Variants in CDH23 observed in about 807,000 individuals in gnomAD.
CDH23 encodes the protein cadherin-23.
In CDH23, 189 loss-of-function variants were observed where a neutral mutation model predicts 317.1. The observed-to-expected ratio is 0.60, with a 90% CI of 0.53 to 0.67. The LOEUF (loss-of-function observed/expected upper bound fraction) is 0.67, where lower values mean the gene tolerates loss of function less well. CDH23 is among the 30% of genes least tolerant of loss of function. The pLI is 0.00. For missense variants in CDH23, 4,401 were observed against 4,592.4 expected (o/e 0.96, Z 1.20); for synonymous variants, 1,839 against 1,876.8 (o/e 0.98, Z 0.52).
chr10:71,579,634 G>T (rs1207307381), intron 9 of CDH23, among the ~76,000 whole-genome samples: 1 of 152,172 alleles, frequency 6.6e-6, no homozygotes, highest in African/African-American at 2.4e-5. Flanking sequence ...CAGCTCAGGT[G>T]CAGGCAGTCT....
In CDH23 at chr10:71,682,522, G is replaced by T; in HGVS notation, c.1936G>T (p.Ala646Ser). Residue 646 changes from alanine (A) to serine (S), a missense_variant, in exon 18 of 70, where the codon GCT (alanine) becomes TCT (serine). By Grantham distance (99) the Ala-to-Ser change is moderately conservative (BLOSUM62 1). This residue lies in a region of CDH23 where 3,068 missense variants were observed against 3,203.3 expected (regional missense o/e 0.96). Transcript: ENST00000224721. ...TTATCTGACGGTCATGGCCATGGATGCTGGCAACCCCCCTCTCAACAGCAC... is the reference window on the plus strand; with the variant it reads ...TTATCTGACGGTCATGGCCATGGATTCTGGCAACCCCCCTCTCAACAGCAC... Reference protein sequence around the residue: ...LIYLTVMAMDAGNPPLNSTVP... With the variant: ...LIYLTVMAMDSGNPPLNSTVP... The T allele has an allele frequency of 6.2e-7, 1 of 1,613,714 alleles. No individual in the cohort carries two copies. The highest frequency in any genetic ancestry group is 8.5e-7 in the Non-Finnish European group (1 of 1,179,772).
rs1865813401 is a variant in CDH23 at position 71,706,957 on chromosome 10, C to T, written c.3014C>T (p.Ser1005Phe). ...FFPAVYNVSV[S>F]EDVPREFRVV... is the part of the protein sequence containing the mutation. ...CCGGCCGTGTACAATGTGTCTGTGT[C>T]CGAGGACGTGCCACGCGAGTTCCGG... Residue 1005 changes from serine (S) to phenylalanine (F), a missense_variant, in exon 26 of 70, where the codon TCC becomes TTC. Ser to Phe is a radical substitution (Grantham distance 155, BLOSUM62 -2). Around this residue, in one of 3 missense-constraint regions of CDH23, gnomAD observed 3,068 missense variants for 3,203.3 expected, o/e 0.96. Transcript: ENST00000224721. The T allele has an allele frequency of 2.5e-6, 4 of 1,607,300 alleles. No individual in the cohort carries two copies. Among genetic ancestry groups the T allele is most frequent in the African/African-American group, 1.3e-5 (1 of 74,904 alleles).
At chr10:71,556,153 T>A (rs1167462932) in intron 6 of CDH23, among the ~76,000 whole-genome samples, 1 of 151,566 alleles carries the variant, frequency 6.6e-6, no homozygotes, top group Non-Finnish European at 1.5e-5. Flanking sequence ...GAAAGAAGAG[T>A]TTAAAGAGAG....
chr10:71,803,793 A>G (rs1452748397), intron 55 of CDH23, among the ~76,000 whole-genome samples: 1 of 144,308 alleles, frequency 6.9e-6, no homozygotes, highest in Non-Finnish European at 1.5e-5. Flanking sequence ...AACATAGTGA[A>G]ACCCGATCTC....
At chr10:71,419,380 G>A (rs1848653045) in intron 1 of CDH23, among the ~76,000 whole-genome samples, 1 of 152,118 alleles carries the variant, frequency 6.6e-6, no homozygotes, top group Admixed American at 6.5e-5. Context: ...CTTTCCAGTG[G>A]GGGCTGGTAT....
chr10:71,811,183 C>G (rs1841909748), intron 62 of CDH23, 132 bp from the exon 63 acceptor site: 1 of 1,347,508 alleles, frequency 7.4e-7, no homozygotes, highest in South Asian at 1.3e-5. Flanking sequence ...CAAAGCTGTC[C>G]CAGCCGGTGG....
At chr10:71,712,928 G>A (rs910061479) in intron 28 of CDH23, 115 bp downstream of exon 28, 74 of 1,258,634 alleles carry the variant, frequency 5.9e-5, no homozygotes, top group Non-Finnish European at 7.7e-5. Flanking sequence ...GGGGCCCAGG[G>A]TGGGTCCGCT....
chr10:71,716,225 A>C, intron 28 of CDH23: 1 of 1,550,774 alleles, frequency 6.4e-7, no homozygotes. Flanking sequence ...GGCGATGAGC[A>C]TGGGGAGGGG....
rs568453039 is a variant in CDH23 at position 71,785,666 on chromosome 10, C to G, written c.5748C>G (p.Arg1916=). Residue 1916 remains arginine (R), a synonymous_variant, in exon 44 of 70, where the codon CGC becomes CGG. Transcript: ENST00000224721. ...TCACTGTGAACCGGCCCCTGGACCGCGAGCGGATCCCAGAGTACAAGCTGA... is the reference window on the plus strand; with the variant it reads ...TCACTGTGAACCGGCCCCTGGACCGGGAGCGGATCCCAGAGTACAAGCTGA... ...GIVTVNRPLD[R]ERIPEYKLTI... is the part of the protein sequence containing the mutation. 2.5e-6 allele frequency: 4 copies of G among 1,607,264 alleles called. No individual in the cohort carries two copies. The highest frequency in any genetic ancestry group is 2.2e-5 in the South Asian group (2 of 89,296).
rs747981278 is a variant in CDH23 at position 71,675,111 on chromosome 10, G to A, written c.1450-1G>A. 13 of 1,613,826 alleles carry A rather than the reference G, an allele frequency of 8.1e-6. No homozygotes were observed. Among genetic ancestry groups the A allele is most frequent in the Non-Finnish European group, 1.1e-5 (13 of 1,179,736 alleles). On this transcript the variant is annotated splice_acceptor_variant, in intron 14 of 69. Coordinates refer to ENST00000224721, the MANE Select transcript of CDH23 (RefSeq NM_022124.6). LOFTEE classifies it high-confidence loss of function. ...ATGACTTCTTGTTCTCGCTGTTGCA[G>A]GCAACTGACAATGATGCAGGCACCT...
intron 6 of CDH23, among the ~76,000 whole-genome samples, chr10:71,563,095 ATC>A (rs1364768561): frequency 6.6e-6 from 1 of 152,062 alleles, no homozygotes; most frequent in Non-Finnish European, 1.5e-5. Context: ...AGCTGTTGGT[ATC>A]TCTTTGGGTG....
chr10:71,632,510 G>A (rs1338757835), intron 11 of CDH23, among the ~76,000 whole-genome samples: 1 of 152,148 alleles, frequency 6.6e-6, no homozygotes, highest in African/African-American at 2.4e-5. Flanking sequence ...GGGACTGGAC[G>A]AGGGGTCAGG....
intron 6 of CDH23, among the ~76,000 whole-genome samples, chr10:71,548,508 G>T (rs1856409965): frequency 6.6e-6 from 1 of 152,158 alleles, no homozygotes; most frequent in Non-Finnish European, 1.5e-5. Flanking sequence ...GAGGTGGGCT[G>T]GGAAGAGGTA....
At chr10:71,567,613 A>G (rs1857483867) in intron 7 of CDH23, among the ~76,000 whole-genome samples, 1 of 152,256 alleles carries the variant, frequency 6.6e-6, no homozygotes. Flanking sequence ...CTCTCAGTCC[A>G]GTGCCCTGAC....
chr10:71,734,363 G>A (rs1164385805), intron 33 of CDH23, 22 bp downstream of exon 33: 2 of 1,588,234 alleles, frequency 1.3e-6, no homozygotes, highest in Admixed American at 1.8e-5. Context: ...CAGGGTGAGA[G>A]TCCCTCAGGT....
chr10:71,593,254 G>A (rs1360501036), intron 9 of CDH23, among the ~76,000 whole-genome samples: 1 of 152,188 alleles, frequency 6.6e-6, no homozygotes, highest in Non-Finnish European at 1.5e-5. Flanking sequence ...AGTAGCTGGT[G>A]TTGGGAAAAC....
intron 6 of CDH23, among the ~76,000 whole-genome samples, chr10:71,525,515 G>A (rs1280844835): frequency 1.3e-5 from 2 of 152,202 alleles, no homozygotes; most frequent in Admixed American, 6.5e-5. Context: ...GGCCAGCCGT[G>A]GGCAGAGCAT....
In CDH23 at chr10:71,566,756, G is replaced by T. The variant is rs751611653; in HGVS notation, c.444G>T (p.Gly148=). The T allele has an allele frequency of 6.2e-7, 1 of 1,605,696 alleles. No homozygotes were observed. Among genetic ancestry groups the T allele is most frequent in the South Asian group, 1.1e-5 (1 of 90,320 alleles). The change falls in exon 7 of 70, where the codon GGG becomes GGT. Residue 148 remains glycine, a synonymous_variant. Transcript: ENST00000224721. The stretch of plus-strand genomic sequence containing the variant: ...CTCATCCCCAGAATACACCAGTGGG[G>T]ACGCCCATCTTCATCGTGAATGCCA... The part of the protein sequence containing the change: ...SVRIPENTPV[G]TPIFIVNATD...
chr10:71,707,222 C>A, intron 26 of CDH23, 173 bp downstream of exon 26: 1 of 1,484,624 alleles, frequency 6.7e-7, no homozygotes, highest in Non-Finnish European at 8.9e-7. Context: ...CCTGGCTCTT[C>A]CCAAGGGCTT....
Sources: allele counts gnomAD v4.1 joint callset (sites outside exome capture counted in the v4.1 genomes callset), GRCh38; gene constraint gnomAD v4.1.1; regional missense constraint gnomAD v4.1.1; transcripts MANE v1.5; gene names NCBI Gene and HGNC (gene_info 2026-07-23, HGNC 2026-07-21).